EIF4E3: variants seen among roughly 807,000 people sequenced by gnomAD.
The protein encoded by EIF4E3 is eukaryotic translation initiation factor 4E type 3.
A neutral mutation model predicts 31.7 loss-of-function variants in EIF4E3; 26 were observed. That is an observed-to-expected ratio of 0.82 (90% CI 0.60 to 1.14). The LOEUF (loss-of-function observed/expected upper bound fraction) is 1.14. Among genes scored for constraint, EIF4E3 ranks in the 50% most tolerant of loss-of-function variants. The probability of loss-of-function intolerance (pLI) is 0.00; values close to 1 mark genes in which losing one functional copy is unlikely to be tolerated. For synonymous variants in EIF4E3, 128 were observed against 107.7 expected (o/e 1.19, Z -1.17); for missense variants, 304 against 270.9 (o/e 1.12, Z -0.86).
chr3:71,669,176 TA>T, the EIF4E3 span, among the ~76,000 whole-genome samples: 3 of 147,742 alleles, frequency 2.0e-5, no homozygotes, highest in Non-Finnish European at 4.4e-5. Flanking sequence ...TGTTCTCACT[TA>T]TAAGTGGGAG....
chr3:71,743,783 A>G (rs2049844068), intron 1 of EIF4E3, among the ~76,000 whole-genome samples: 2 of 152,188 alleles, frequency 1.3e-5, no homozygotes, highest in South Asian at 4.1e-4. Flanking sequence ...TCAACAGAAT[A>G]AAGAGTCCAG....
At chr3:71,743,530 TTAAGA>T (rs1239267855) in intron 1 of EIF4E3, among the ~76,000 whole-genome samples, 7 of 152,246 alleles carry the variant, frequency 4.6e-5, no homozygotes, top group African/African-American at 1.4e-4. Flanking sequence ...GAGAGTATTG[TTAAGA>T]TGTCAATTCT....
chr3:71,704,805 G>C (rs899643512), intron 2 of EIF4E3, among the ~76,000 whole-genome samples: 16 of 152,070 alleles, frequency 1.1e-4, no homozygotes, highest in Non-Finnish European at 1.5e-5. Flanking sequence ...CAGTTGAAGT[G>C]ACTAAATTAC....
In EIF4E3 at chr3:71,684,441, CA is replaced by C. The variant is rs1248781521; in HGVS notation, c.*240del. ...GAAAAGAACAGAGAATTTAGAAAGC[CA>C]AAAAAAAAGTTTTTTGTGTGTGTTT... On this transcript the variant is annotated 3_prime_UTR_variant, in exon 7 of 7. Coordinates refer to ENST00000425534, the MANE Select transcript of EIF4E3 (RefSeq NM_001134651.2). 522 of 351,858 alleles carry C rather than the reference CA, an allele frequency of 1.5e-3. No homozygotes were observed. The highest frequency in any genetic ancestry group is 2.5e-3 in the Middle Eastern group (4 of 1,572). 21.8% of individuals were successfully genotyped at this position (351,858 alleles called of 1,614,324 possible).
At chr3:71,712,504 T>C (rs1245645974) in intron 1 of EIF4E3, among the ~76,000 whole-genome samples, 1 of 151,952 alleles carries the variant, frequency 6.6e-6, no homozygotes, top group African/African-American at 2.4e-5. Flanking sequence ...ACTTTAACAT[T>C]AAAATATGAC....
chr3:71,723,046 G>T (rs753419281), intron 1 of EIF4E3, among the ~76,000 whole-genome samples: 12 of 152,216 alleles, frequency 7.9e-5, no homozygotes, highest in Non-Finnish European at 1.8e-4. Flanking sequence ...TGCCAAAGGG[G>T]AGTTTTAAGT....
chr3:71,676,521 A>G lies in EIF4E3; in HGVS notation c.*8161T>C, dbSNP rs1171796469. ...TTCATAAAACAAAATCAGTGAGTAC[A>G]TAAGTTATACTTACTGGCTTCCAAA... On this transcript the variant is annotated 3_prime_UTR_variant, in exon 7 of 7. Transcript: ENST00000425534. The G allele has an allele frequency of 2.6e-5, 4 of 152,222 alleles. No individual in the cohort carries two copies. The highest frequency in any genetic ancestry group is 2.1e-4 in the South Asian group (1 of 4,826). 9.4% of individuals were successfully genotyped at this position (152,222 alleles called of 1,614,324 possible). A position where few individuals can be genotyped will look rare whatever the true frequency, so the allele number is the denominator to read the frequency against.
At chr3:71,751,057 C>T (rs1021402804) in intron 1 of EIF4E3, among the ~76,000 whole-genome samples, 16 of 151,980 alleles carry the variant, frequency 1.1e-4, no homozygotes, top group Admixed American at 2.0e-4. Context: ...CCACCGCATC[C>T]GGCCTCTACA....
chr3:71,687,639 G>C (rs2049010691), intron 6 of EIF4E3, among the ~76,000 whole-genome samples: 1 of 152,218 alleles, frequency 6.6e-6, no homozygotes, highest in Admixed American at 6.5e-5. Flanking sequence ...GAATTGGCCA[G>C]GGTGGGGCTG....
intron 2 of EIF4E3, among the ~76,000 whole-genome samples, chr3:71,709,510 G>T (rs2049344320): frequency 1.3e-5 from 2 of 152,144 alleles, no homozygotes. Flanking sequence ...CTCCCAAGTA[G>T]CTGGGACCAC....
chr3:71,708,432 TCTA>T (rs2049326198), intron 2 of EIF4E3, among the ~76,000 whole-genome samples: 1 of 152,120 alleles, frequency 6.6e-6, no homozygotes, highest in Non-Finnish European at 1.5e-5. Flanking sequence ...ACTTAAGAAA[TCTA>T]CATTTACTGT....
At chr3:71,669,016 C>T in the EIF4E3 span, among the ~76,000 whole-genome samples, 24,421 of 152,032 alleles carry the variant, frequency 0.16, 2,428 homozygotes, top group Non-Finnish European at 0.23. Context: ...CAGTGATAGA[C>T]TGGATAAAGA....
upstream of EIF4E3, among the ~76,000 whole-genome samples, chr3:71,728,317 C>T (rs978177902): frequency 1.1e-4 from 17 of 152,176 alleles, no homozygotes; most frequent in African/African-American, 3.9e-4. Flanking sequence ...TCTTCAGAAT[C>T]ATTCTTAGAA....
intron 4 of EIF4E3, 74 bp from the exon 5 acceptor site, chr3:71,694,015 A>G (rs2049100293): frequency 7.1e-7 from 1 of 1,404,884 alleles, no homozygotes; most frequent in South Asian, 1.4e-5. Flanking sequence ...TCAGGAGCTA[A>G]ACAAATTATG....
chr3:71,660,705 C>A, the EIF4E3 span, among the ~76,000 whole-genome samples: 2 of 152,156 alleles, frequency 1.3e-5, no homozygotes, highest in Non-Finnish European at 2.9e-5. Context: ...AATTTTCAGT[C>A]TCTGTTGTAA....
intron 2 of EIF4E3, among the ~76,000 whole-genome samples, chr3:71,703,810 T>TC (rs1292374691): frequency 3.7e-5 from 1 of 26,872 alleles, no homozygotes; most frequent in Non-Finnish European, 7.4e-5. Flanking sequence ...CAAACACACA[T>TC]CAAAAAAAAA....
chr3:71,690,154 T>C lies in EIF4E3; in HGVS notation c.484A>G (p.Ile162Val). Residue 162 changes from isoleucine to valine, a missense_variant, in exon 6 of 7, where the codon ATA becomes GTA. Transcript: ENST00000425534. ...TDCAAADDEV[I>V]GVSVSVRDRE... ...TCCCGAACACTGACACTAACTCCTATTACTTCATCATCTGAGGGGAAGACA... is the reference window on the plus strand; with the variant it reads ...TCCCGAACACTGACACTAACTCCTACTACTTCATCATCTGAGGGGAAGACA... 6.2e-7 allele frequency: 1 copy of C among 1,609,240 alleles called. No homozygotes were observed. Among genetic ancestry groups the C allele is most frequent in the African/African-American group, 1.3e-5 (1 of 74,678 alleles).
chr3:71,667,727 C>A, the EIF4E3 span, among the ~76,000 whole-genome samples: 1 of 152,186 alleles, frequency 6.6e-6, no homozygotes, highest in African/African-American at 2.4e-5. Context: ...AGAAGAACTA[C>A]AAACCACTGC....
chr3:71,703,793 C>G (rs1239953732), intron 2 of EIF4E3, among the ~76,000 whole-genome samples: 1 of 124,590 alleles, frequency 8.0e-6, no homozygotes. Context: ...GAAACAAAAC[C>G]ACCCAGCAAA....
Sources: allele counts gnomAD v4.1 joint callset (sites outside exome capture counted in the v4.1 genomes callset), GRCh38; gene constraint gnomAD v4.1.1; transcripts MANE v1.5; gene names NCBI Gene and HGNC (gene_info 2026-07-23, HGNC 2026-07-21).